The following CHRM2 variants were observed in gnomAD, a reference collection of about 807,000 sequenced individuals.
The protein encoded by CHRM2 is muscarinic acetylcholine receptor M2.
In CHRM2, 8 loss-of-function variants were observed where a neutral mutation model predicts 25.0. The observed-to-expected ratio is 0.32, with a 90% CI of 0.19 to 0.58. The LOEUF (loss-of-function observed/expected upper bound fraction) is 0.58, where lower values mean the gene tolerates loss of function less well. Ranked by LOEUF, CHRM2 falls within the 20% of genes least tolerant of loss-of-function variation. The pLI is 0.88. For synonymous variants in CHRM2, 202 were observed against 205.7 expected, an observed-to-expected ratio of 0.98 and a Z score of 0.15; for missense variants, 440 against 567.1, an observed-to-expected ratio of 0.78 and a Z score of 2.28.
intron 2 of CHRM2, among the ~76,000 whole-genome samples, chr7:136,986,944 T>A (rs1273391440): frequency 1.3e-5 from 2 of 152,196 alleles, no homozygotes; most frequent in Non-Finnish European, 2.9e-5. Flanking sequence ...TATTAACTTA[T>A]TTTTCTACCT....
intron 2 of CHRM2, among the ~76,000 whole-genome samples, chr7:136,930,898 C>CAAAAAAAA (rs57705639): frequency 7.4e-4 from 45 of 61,138 alleles, no homozygotes; most frequent in East Asian, 2.2e-3. Context: ...CTCATTCTCT[C>CAAAAAAAA]AAAAAAAAAA....
In CHRM2 at chr7:137,016,116, C is replaced by A. The variant is rs770736119; in HGVS notation, c.1251C>A (p.Ile417=). 38 of 1,612,532 alleles carry A rather than the reference C, an allele frequency of 2.4e-5. No individual in the cohort carries two copies. Among genetic ancestry groups the A allele is most frequent in the Non-Finnish European group, 3.1e-5 (37 of 1,179,112 alleles). ...TTAACACCTTTTGTGCACCTTGCAT[C>A]CCCAACACTGTGTGGACAATTGGTT... is the stretch of plus-strand genomic sequence containing the variant. ...VLINTFCAPC[I]PNTVWTIGYW... Residue 417 remains isoleucine, a synonymous_variant, in exon 4 of 4, where the codon ATC becomes ATA. Coordinates refer to ENST00000680005, the MANE Select transcript of CHRM2 (RefSeq NM_001006630.2).
At chr7:136,957,003 C>T (rs1800764119) in intron 2 of CHRM2, among the ~76,000 whole-genome samples, 2 of 152,132 alleles carry the variant, frequency 1.3e-5, no homozygotes, top group Non-Finnish European at 2.9e-5. Context: ...CGGGACTCCC[C>T]CTACTCCAAG....
intron 2 of CHRM2, among the ~76,000 whole-genome samples, chr7:136,901,175 T>C (rs2130618975): frequency 6.6e-6 from 1 of 152,116 alleles, no homozygotes; most frequent in South Asian, 2.1e-4. Context: ...ACGAGTGCCC[T>C]GGGAAAGGAA....
At chr7:136,895,923 A>G (rs1366159151) in intron 2 of CHRM2, among the ~76,000 whole-genome samples, 1 of 152,104 alleles carries the variant, frequency 6.6e-6, no homozygotes, top group Admixed American at 6.5e-5. Flanking sequence ...TGTGTGCTGG[A>G]TTGGGGAGAC....
In CHRM2 at chr7:136,903,426, ATT is replaced by A. The variant is rs201011172; in HGVS notation, c.-125+34012_-125+34013del. ...ACACCTCAGCATCCAAGTATTTGTTATTTTTGTGGATATTGTTAGAGCTGGTG... is the reference window on the plus strand; with the variant it reads ...ACACCTCAGCATCCAAGTATTTGTTATTTGTGGATATTGTTAGAGCTGGTG... On this transcript the variant is annotated intron_variant, in intron 2 of 3. Coordinates refer to ENST00000680005, the MANE Select transcript of CHRM2 (RefSeq NM_001006630.2). 4 of 287,446 alleles carry A rather than the reference ATT, an allele frequency of 1.4e-5. No individual in the cohort carries two copies. In the East Asian group the frequency reaches 4.3e-4, roughly 31 times the overall value. 17.8% of individuals were successfully genotyped at this position (287,446 alleles called of 1,614,324 possible).
In CHRM2 at chr7:137,019,365, C is replaced by T. The variant is rs868128785; in HGVS notation, c.*3099C>T. 1 of 151,818 alleles carries T rather than the reference C, an allele frequency of 6.6e-6. No individual in the cohort carries two copies. Among genetic ancestry groups the T allele is most frequent in the Non-Finnish European group, 1.5e-5 (1 of 67,880 alleles). The allele number at this position is 151,818 out of a possible 1,614,324, so 9.4% of individuals were successfully genotyped here. A position where few individuals can be genotyped will look rare whatever the true frequency, so the allele number is the denominator to read the frequency against. On this transcript the variant is annotated 3_prime_UTR_variant, in exon 4 of 4. Coordinates refer to ENST00000680005, the MANE Select transcript of CHRM2 (RefSeq NM_001006630.2). ...ACTATGCATATCGCACATCTTTTTT[C>T]CAGCATCTTAATGTTCAATTATGAT...
At chr7:136,968,149 A>T (rs1289891404) in intron 2 of CHRM2, among the ~76,000 whole-genome samples, 1 of 151,842 alleles carries the variant, frequency 6.6e-6, no homozygotes, top group African/African-American at 2.4e-5. Flanking sequence ...ACCACCTCAC[A>T]TACTTATTTT....
intron 2 of CHRM2, among the ~76,000 whole-genome samples, chr7:136,919,115 G>C (rs963201171): frequency 6.6e-6 from 1 of 152,010 alleles, no homozygotes; most frequent in Non-Finnish European, 1.5e-5. Flanking sequence ...CCTAAGACAT[G>C]TTATAATATT....
chr7:137,008,459 C>T (rs957198985), intron 3 of CHRM2, among the ~76,000 whole-genome samples: 2 of 151,984 alleles, frequency 1.3e-5, no homozygotes, highest in Middle Eastern at 3.2e-3. Flanking sequence ...AATTTGAAGG[C>T]TAACATGGGC....
chr7:136,991,945 T>C (rs1803261767), intron 2 of CHRM2, among the ~76,000 whole-genome samples: 1 of 152,136 alleles, frequency 6.6e-6, no homozygotes, highest in East Asian at 1.9e-4. Flanking sequence ...TTTGAGTACA[T>C]GTGATTCTAT....
intron 2 of CHRM2, among the ~76,000 whole-genome samples, chr7:136,911,605 G>T (rs1409912142): frequency 1.3e-5 from 2 of 151,886 alleles, no homozygotes; most frequent in Non-Finnish European, 2.9e-5. Context: ...GGCAATGACT[G>T]CACTTGGTGA....
intron 2 of CHRM2, among the ~76,000 whole-genome samples, chr7:136,890,752 T>C (rs181803831): frequency 6.6e-6 from 1 of 152,304 alleles, no homozygotes; most frequent in Admixed American, 6.5e-5. Flanking sequence ...AAAACTGACT[T>C]TATTAAATAC....
At chr7:136,986,080 T>A (rs1254354312) in intron 2 of CHRM2, among the ~76,000 whole-genome samples, 1 of 152,246 alleles carries the variant, frequency 6.6e-6, no homozygotes, top group South Asian at 2.1e-4. Context: ...CATCCCTCTC[T>A]CATCCTAGAA....
At chr7:136,912,518 C>T (rs10267949) in intron 2 of CHRM2, among the ~76,000 whole-genome samples, 11,918 of 151,904 alleles carry the variant, frequency 0.078, 619 homozygotes, top group African/African-American at 0.14. Context: ...CTTCATCACA[C>T]TTAACAGTAC....
chr7:137,003,516 ACACACACACACACACACAC>A (rs1563120444), intron 3 of CHRM2, among the ~76,000 whole-genome samples: 2 of 84,326 alleles, frequency 2.4e-5, no homozygotes, highest in Non-Finnish European at 5.3e-5. Flanking sequence ...ACACACACAC[ACACACACACACACACACAC>A]ACTAGTTAGG....
intron 3 of CHRM2, among the ~76,000 whole-genome samples, chr7:136,999,340 A>G (rs914582880): frequency 6.6e-6 from 1 of 152,154 alleles, no homozygotes; most frequent in African/African-American, 2.4e-5. Context: ...TATGTAACAA[A>G]CTTGCACATC....
At chr7:136,873,301 A>G (rs34166421) in intron 2 of CHRM2, among the ~76,000 whole-genome samples, 20,031 of 152,224 alleles carry the variant, frequency 0.13, 1,482 homozygotes, top group Non-Finnish European at 0.17. Context: ...TGGAGGTGGT[A>G]TGTGGGGAAA....
chr7:136,899,893 G>C (rs1033300549), intron 2 of CHRM2: 2 of 152,034 alleles, frequency 1.3e-5, no homozygotes, highest in African/African-American at 4.8e-5. Context: ...ACACTTCATA[G>C]TTTAAAAAGC....
Sources: gnomAD v4.1 joint callset for allele counts (sites outside exome capture counted in the v4.1 genomes callset) on GRCh38, gnomAD v4.1.1 for gene constraint, MANE v1.5 for transcripts, NCBI Gene and HGNC (gene_info 2026-07-23, HGNC 2026-07-21) for gene names.